FANCC: variants seen among roughly 807,000 people sequenced by gnomAD.
The protein encoded by FANCC is FA complementation group C, also known as Fanconi anemia group C protein.
Under a neutral mutation model 71.3 loss-of-function variants are expected in FANCC, and 55 were observed. That is an observed-to-expected ratio of 0.77 (90% CI 0.62 to 0.97). The LOEUF is 0.97. Ranked by LOEUF, FANCC falls within the 50% of genes least tolerant of loss-of-function variation. The probability of loss-of-function intolerance (pLI) is 0.00; values close to 1 mark genes in which losing one functional copy is unlikely to be tolerated. For missense variants in FANCC, 678 were observed against 670.9 expected (o/e 1.01, Z -0.12); for synonymous variants, 275 against 244.9 (o/e 1.12, Z -1.15).
chr9:95,290,101 C>T (rs1469666582), intron 1 of FANCC, among the ~76,000 whole-genome samples: 1 of 152,172 alleles, frequency 6.6e-6, no homozygotes, highest in Non-Finnish European at 1.5e-5. Flanking sequence ...GTTAATTCTA[C>T]CTCCTGAGTA....
At chr9:95,246,983 G>A (rs1196933064) in intron 3 of FANCC, among the ~76,000 whole-genome samples, 1 of 152,136 alleles carries the variant, frequency 6.6e-6, no homozygotes, top group African/African-American at 2.4e-5. Context: ...AGTCACGGCA[G>A]GATTCACACT....
intron 4 of FANCC, among the ~76,000 whole-genome samples, chr9:95,237,608 T>C (rs1830401522): frequency 6.6e-6 from 1 of 152,276 alleles, no homozygotes; most frequent in Non-Finnish European, 1.5e-5. Context: ...CTGAACTTTG[T>C]ATTTAATTTT....
At chr9:95,120,042 T>TGA (rs2072750118) in intron 10 of FANCC, among the ~76,000 whole-genome samples, 1 of 152,172 alleles carries the variant, frequency 6.6e-6, no homozygotes, top group African/African-American at 2.4e-5. Flanking sequence ...GAGGTCTAAT[T>TGA]TATCCATTTT....
At chr9:95,252,274 CAAAAAAAAAAAA>C (rs71366284) in intron 1 of FANCC, among the ~76,000 whole-genome samples, 3 of 50,160 alleles carry the variant, frequency 6.0e-5, no homozygotes, top group East Asian at 6.7e-4. Context: ...GAGACTGATT[CAAAAAAAAAAAA>C]AAAAAAAAGA....
chr9:95,176,382 C>A (rs1564724888), intron 4 of FANCC, among the ~76,000 whole-genome samples: 1 of 152,194 alleles, frequency 6.6e-6, no homozygotes, highest in South Asian at 2.1e-4. Flanking sequence ...CAGCACACCC[C>A]ACACCCGCCA....
At chr9:95,188,412 C>T (rs1032940389) in intron 4 of FANCC, among the ~76,000 whole-genome samples, 3 of 152,174 alleles carry the variant, frequency 2.0e-5, no homozygotes, top group Non-Finnish European at 4.4e-5. Flanking sequence ...ATACTGAAAA[C>T]ATCACACCCC....
At chr9:95,236,800 G>T (rs1830342686) in intron 4 of FANCC, among the ~76,000 whole-genome samples, 1 of 152,124 alleles carries the variant, frequency 6.6e-6, no homozygotes, top group Admixed American at 6.5e-5. Flanking sequence ...AATGCTTGCT[G>T]AATGAATTAG....
At chr9:95,175,453 G>A (rs184574651) in intron 4 of FANCC, among the ~76,000 whole-genome samples, 1 of 152,170 alleles carries the variant, frequency 6.6e-6, no homozygotes, top group Non-Finnish European at 1.5e-5. Context: ...CCACTTGCTT[G>A]TTATTGTTTT....
At chr9:95,167,208 C>T (rs1172563820) in intron 6 of FANCC, among the ~76,000 whole-genome samples, 1 of 152,120 alleles carries the variant, frequency 6.6e-6, no homozygotes, top group African/African-American at 2.4e-5. Flanking sequence ...CTTCCTTGTA[C>T]ATGACAAGTC....
chr9:95,198,443 T>C (rs1827590453), intron 4 of FANCC, among the ~76,000 whole-genome samples: 1 of 152,222 alleles, frequency 6.6e-6, no homozygotes, highest in East Asian at 1.9e-4. Context: ...CAAAATATGT[T>C]TTGCATGTTC....
At chr9:95,299,871 GCA>G (rs369395366) in intron 1 of FANCC, among the ~76,000 whole-genome samples, 213 of 151,338 alleles carry the variant, frequency 1.4e-3, no homozygotes, top group African/African-American at 5.0e-3. Flanking sequence ...AAATGCATGC[GCA>G]CACACACACA....
chr9:95,110,219 C>G, intron 13 of FANCC: 2 of 995,008 alleles, frequency 2.0e-6, no homozygotes, highest in Non-Finnish European at 2.4e-6. Context: ...GTAGAACTTT[C>G]TAGAAATTAA....
chr9:95,119,893 G>T (rs1398159564), intron 10 of FANCC, among the ~76,000 whole-genome samples: 2 of 152,078 alleles, frequency 1.3e-5, no homozygotes, highest in Non-Finnish European at 2.9e-5. Flanking sequence ...TGTATTTTTT[G>T]TAGAAAAGGG....
At chr9:95,200,160 G>A (rs893444332) in intron 4 of FANCC, among the ~76,000 whole-genome samples, 8 of 152,038 alleles carry the variant, frequency 5.3e-5, no homozygotes, top group Admixed American at 2.0e-4. Flanking sequence ...TTGAAAATCC[G>A]GCACATGAAC....
intron 6 of FANCC, among the ~76,000 whole-genome samples, chr9:95,166,311 T>A (rs1831065442): frequency 6.6e-6 from 1 of 152,110 alleles, no homozygotes; most frequent in African/African-American, 2.4e-5. Context: ...TTTCTCTTAT[T>A]CCCTTCCTTT....
chr9:95,222,563 G>A (rs988050689), intron 4 of FANCC, among the ~76,000 whole-genome samples: 5 of 152,078 alleles, frequency 3.3e-5, no homozygotes, highest in Admixed American at 6.5e-5. Flanking sequence ...TGATTGTGGC[G>A]GTGGTTATAA....
intron 1 of FANCC, among the ~76,000 whole-genome samples, chr9:95,269,603 C>T (rs546487707): frequency 2.0e-5 from 3 of 152,274 alleles, no homozygotes; most frequent in East Asian, 1.9e-4. Flanking sequence ...AGGCAAAGAG[C>T]GGGTTCTTTC....
chr9:95,150,014 G>A lies in FANCC; in HGVS notation c.595C>T (p.Leu199=). ...PLITLTDVDP[L]VEALLICHGR... ...TGACAGATGAGGAGAGCCTCCACCAGGGGGTCAACATCTGTCAGGGTAATA... is the reference window on the plus strand; with the variant it reads ...TGACAGATGAGGAGAGCCTCCACCAAGGGGTCAACATCTGTCAGGGTAATA... Residue 199 remains leucine (L), a synonymous_variant, in exon 7 of 15, where the codon CTG becomes TTG. Coordinates refer to ENST00000289081, the MANE Select transcript of FANCC (RefSeq NM_000136.3). The A allele has an allele frequency of 6.2e-7, 1 of 1,614,102 alleles. No homozygotes were observed. The highest frequency in any genetic ancestry group is 8.5e-7 in the Non-Finnish European group (1 of 1,180,002).
In FANCC at chr9:95,249,162, A is replaced by C. The variant is rs1831172988; in HGVS notation, c.130T>G (p.Phe44Val). The C allele has an allele frequency of 6.2e-7, 1 of 1,613,696 alleles. No individual in the cohort carries two copies. The highest frequency in any genetic ancestry group is 8.5e-7 in the Non-Finnish European group (1 of 1,179,914). The change falls in exon 2 of 15, where the codon TTC becomes GTC. Residue 44 changes from phenylalanine (F) to valine (V), a missense_variant. Phe to Val is a conservative substitution (Grantham distance 50). Transcript: ENST00000289081. The stretch of plus-strand genomic sequence containing the variant: ...AAGGCTTCATACATCTTCCTTAGGA[A>C]CTCCTGGAACTGAGCCACGTGAAGA... ...TCLHVAQFQEFLRKMYEALKE... is the reference protein window; with the variant it reads ...TCLHVAQFQEVLRKMYEALKE...
Sources: allele counts gnomAD v4.1 joint callset (sites outside exome capture counted in the v4.1 genomes callset), GRCh38; gene constraint gnomAD v4.1.1; transcripts MANE v1.5; gene names NCBI Gene and HGNC (gene_info 2026-07-23, HGNC 2026-07-21).